Variants in CCDC146 observed in about 807,000 individuals in gnomAD.
The protein encoded by CCDC146 is coiled-coil domain-containing protein 146.
A neutral mutation model predicts 119.3 loss-of-function variants in CCDC146; 92 were observed. That is an observed-to-expected ratio of 0.77 (90% CI 0.65 to 0.92). The LOEUF is 0.92. Among genes scored for constraint, CCDC146 ranks in the 40% least tolerant of loss-of-function variants. CCDC146 has a pLI of 0.00. For synonymous variants in CCDC146, 372 were observed against 371.8 expected (o/e 1.00, Z -0.01); for missense variants, 1,000 against 1,103.0 (o/e 0.91, Z 1.32).
At chr7:77,140,854 C>CATTGATATATTGATTGATATAT (rs1790922307) in intron 1 of CCDC146, among the ~76,000 whole-genome samples, 1 of 151,972 alleles carries the variant, frequency 6.6e-6, no homozygotes, top group Non-Finnish European at 1.5e-5. Context: ...ATCGATATCA[C>CATTGATATATTGATTGATATAT]ATTGATATAT....
At chr7:77,266,063 T>A (rs2150522882) in intron 9 of CCDC146, among the ~76,000 whole-genome samples, 1 of 152,316 alleles carries the variant, frequency 6.6e-6, no homozygotes, top group East Asian at 1.9e-4. Flanking sequence ...GACTTCCACG[T>A]GGCACTGAAA....
chr7:77,256,292 G>T, intron 5 of CCDC146, 41 bp from the exon 6 acceptor site: 2 of 1,445,590 alleles, frequency 1.4e-6, no homozygotes, highest in Non-Finnish European at 1.9e-6. Flanking sequence ...ATAAATGTTT[G>T]CTCAGACTAT....
intron 1 of CCDC146, among the ~76,000 whole-genome samples, chr7:77,129,998 A>T (rs1289020236): frequency 1.3e-5 from 2 of 152,124 alleles, no homozygotes; most frequent in Non-Finnish European, 2.9e-5. Flanking sequence ...GCCCCAAAGT[A>T]CAAGAGTAGT....
intron 1 of CCDC146, among the ~76,000 whole-genome samples, chr7:77,131,399 G>A (rs190042865): frequency 5.3e-5 from 8 of 152,184 alleles, no homozygotes; most frequent in Non-Finnish European, 1.0e-4. Context: ...AGTGACAATT[G>A]GTACACACAA....
At chr7:77,139,690 A>G (rs1790907310) in intron 1 of CCDC146, among the ~76,000 whole-genome samples, 1 of 151,972 alleles carries the variant, frequency 6.6e-6, no homozygotes, top group Non-Finnish European at 1.5e-5. Flanking sequence ...CCCACCTCCC[A>G]AAAAATAAGT....
rs1309163349 is a variant in CCDC146, at chr7:77,183,310, AC to A, written c.156+15489del. Among the ~76,000 whole-genome samples the A allele has an allele frequency of 3.3e-5, 5 of 151,800 alleles. No homozygotes were observed. The East Asian group carries it at 9.7e-4, about 30-fold the overall frequency. On this transcript the variant is annotated intron_variant, in intron 2 of 18. Coordinates refer to ENST00000285871, the MANE Select transcript of CCDC146 (RefSeq NM_020879.3). ...AGAGTTTTTTCCACTTTTCCTTCCC[AC>A]CCAGTATCCCATCATCACCTCATAG...
At chr7:77,197,936 TG>T (rs1157584147) in intron 2 of CCDC146, among the ~76,000 whole-genome samples, 1 of 152,218 alleles carries the variant, frequency 6.6e-6, no homozygotes, top group Non-Finnish European at 1.5e-5. Context: ...TTTATTAAAA[TG>T]TGTGACAAAT....
rs143837099 is a variant in CCDC146, at chr7:77,183,289, T to A, written c.156+15465T>A. On this transcript the variant is annotated intron_variant, in intron 2 of 18. Transcript: ENST00000285871. ...TTATTTTGTAAAGCAGTCTGCAGAG[T>A]TTTTTCCACTTTTCCTTCCCACCCA... Among the ~76,000 whole-genome samples the A allele has an allele frequency of 3.2e-4, 48 of 151,924 alleles. 1 individual carries two copies. The highest frequency in any genetic ancestry group is 1.0e-3 in the African/African-American group (43 of 41,424).
chr7:77,273,097 G>A (rs138979628), intron 9 of CCDC146, among the ~76,000 whole-genome samples: 1 of 152,208 alleles, frequency 6.6e-6, no homozygotes, highest in East Asian at 1.9e-4. Flanking sequence ...GATGAGTTAG[G>A]CAGATCATGG....
At chr7:77,179,773 T>C (rs1400543097) in intron 2 of CCDC146, among the ~76,000 whole-genome samples, 1 of 152,184 alleles carries the variant, frequency 6.6e-6, no homozygotes, top group Non-Finnish European at 1.5e-5. Flanking sequence ...CCATTTGTGT[T>C]AAGTATATTC....
chr7:77,242,668 G>A (rs1323548879), intron 4 of CCDC146, among the ~76,000 whole-genome samples: 1 of 152,162 alleles, frequency 6.6e-6, no homozygotes, highest in Non-Finnish European at 1.5e-5. Flanking sequence ...TGCTGTGCCT[G>A]GGTACAGGAG....
In CCDC146 at chr7:77,199,055, C is replaced by T; in HGVS notation, c.156+31231C>T. Reference sequence around the variant, plus strand: ...GAGAAGATATTTATTTTTTCCTGTGCACCTTGATAAATAAAAGACTTAATC... The same window carrying T: ...GAGAAGATATTTATTTTTTCCTGTGTACCTTGATAAATAAAAGACTTAATC... On this transcript the variant is annotated intron_variant, in intron 2 of 18. Coordinates refer to ENST00000285871, the MANE Select transcript of CCDC146 (RefSeq NM_020879.3). 4 of 803,884 alleles carry T rather than the reference C, an allele frequency of 5.0e-6. No individual in the cohort carries two copies. The South Asian group carries it at 6.9e-5, about 14-fold the overall frequency. 49.8% of individuals were successfully genotyped at this position (803,884 alleles called of 1,614,324 possible). A position where few individuals can be genotyped will look rare whatever the true frequency, so the allele number is the denominator to read the frequency against.
intron 18 of CCDC146, among the ~76,000 whole-genome samples, 200 bp from the exon 19 acceptor site, chr7:77,294,463 G>GGTAGGTGTGTGT (rs1554364032): frequency 5.2e-5 from 7 of 134,232 alleles, no homozygotes; most frequent in African/African-American, 1.9e-4. Flanking sequence ...ATGAGAGGTA[G>GGTAGGTGTGTGT]GTGTGTGTGT....
chr7:77,251,887 G>A (rs1793068387), intron 4 of CCDC146, among the ~76,000 whole-genome samples: 9 of 152,208 alleles, frequency 5.9e-5, no homozygotes, highest in Admixed American at 3.9e-4. Context: ...AGTGGCTCAC[G>A]CCTGTAATCC....
chr7:77,286,873 T>G lies in CCDC146; in HGVS notation c.2224T>G (p.Phe742Val). ...VKPDGENRAR[F>V]LPGKDLTEKE... ...GCCTGATGGTGAGAATAGAGCTCGC[T>G]TCCTTCCAGGGAAAGATCTGACCGA... The change falls in exon 16 of 19, where the codon TTC becomes GTC. Residue 742 changes from phenylalanine to valine, a missense_variant. Phe to Val is a conservative substitution (Grantham distance 50). This residue lies in a region of CCDC146 where 985 missense variants were observed against 1,045.3 expected (regional missense o/e 0.94). Coordinates refer to ENST00000285871, the MANE Select transcript of CCDC146 (RefSeq NM_020879.3). 1 of 1,614,148 alleles carries G rather than the reference T, an allele frequency of 6.2e-7. No individual in the cohort carries two copies. Among genetic ancestry groups the G allele is most frequent in the African/African-American group, 1.3e-5 (1 of 75,058 alleles).
chr7:77,273,805 C>T lies in CCDC146; in HGVS notation c.1269+16C>T, dbSNP rs143842870. 14 of 1,512,546 alleles carry T rather than the reference C, an allele frequency of 9.3e-6. No individual in the cohort carries two copies. The South Asian group carries it at 1.4e-4, about 15-fold the overall frequency. The allele number at this position is 1,512,546 out of a possible 1,614,324, so 93.7% of individuals were successfully genotyped here. On this transcript the variant is annotated intron_variant, in intron 10 of 18. Transcript: ENST00000285871. ...GGCCCAACAGGTTAATATCAATGCT[C>T]ATTTAAGCTTCTATCTAAGAAGCGT...
chr7:77,172,030 C>G (rs545654845), intron 2 of CCDC146, among the ~76,000 whole-genome samples: 1 of 152,150 alleles, frequency 6.6e-6, no homozygotes, highest in African/African-American at 2.4e-5. Flanking sequence ...TTTCAATAAT[C>G]GTTTCAAAGA....
intron 2 of CCDC146, chr7:77,198,125 A>T (rs1232589421): frequency 7.1e-6 from 7 of 985,102 alleles, no homozygotes; most frequent in Non-Finnish European, 8.4e-6. Context: ...ATGTCACCTA[A>T]GCGGTGAACC....
Position 77,294,759 on chromosome 7 carries a change from C to G in CCDC146, c.2761C>G (p.Leu921Val). The G allele has an allele frequency of 6.2e-7, 1 of 1,614,194 alleles. No individual in the cohort carries two copies. Among genetic ancestry groups the G allele is most frequent in the Non-Finnish European group, 8.5e-7 (1 of 1,180,034 alleles). Reference protein sequence around the residue: ...NAYIPEADATLPLPKPYGALA... With the variant: ...NAYIPEADATVPLPKPYGALA... Reference sequence around the variant, plus strand: ...CTACATCCCAGAAGCAGATGCCACTCTTCCTTTGCCAAAACCTTATGGTGC... The same window carrying G: ...CTACATCCCAGAAGCAGATGCCACTGTTCCTTTGCCAAAACCTTATGGTGC... The change falls in exon 19 of 19, where the codon CTT becomes GTT. Residue 921 changes from leucine to valine, a missense_variant. Leu to Val is a conservative substitution (Grantham distance 32). Around this residue, in one of 2 missense-constraint regions of CCDC146, gnomAD observed 985 missense variants for 1,045.3 expected, o/e 0.94. Coordinates refer to ENST00000285871, the MANE Select transcript of CCDC146 (RefSeq NM_020879.3).
Sources: allele counts gnomAD v4.1 joint callset (sites outside exome capture counted in the v4.1 genomes callset), GRCh38; gene constraint gnomAD v4.1.1; regional missense constraint gnomAD v4.1.1; transcripts MANE v1.5; gene names NCBI Gene and HGNC (gene_info 2026-07-23, HGNC 2026-07-21).